The following ADAMTSL3 variants were observed in gnomAD, a reference collection of about 807,000 sequenced individuals.
ADAMTSL3 encodes the protein ADAMTS like 3, also known as ADAMTS-like protein 3.
In ADAMTSL3, 128 loss-of-function variants were observed where a neutral mutation model predicts 201.7. The observed-to-expected ratio is 0.63, with a 90% CI of 0.55 to 0.73. The LOEUF is 0.73. Among genes scored for constraint, ADAMTSL3 ranks in the 30% least tolerant of loss-of-function variants. The pLI, the probability that ADAMTSL3 is intolerant of heterozygous loss-of-function variation, is 0.00. For missense variants in ADAMTSL3, 1,990 were observed against 2,119.6 expected (o/e 0.94, Z 1.20); for synonymous variants, 738 against 748.4 (o/e 0.99, Z 0.23).
intron 17 of ADAMTSL3, 101 bp downstream of exon 17, chr15:83,924,134 G>A (rs1322673956): frequency 6.9e-7 from 1 of 1,446,952 alleles, no homozygotes; most frequent in African/African-American, 1.4e-5. Context: ...TTCACCCAAG[G>A]TAGATGTGCT....
intron 23 of ADAMTSL3, among the ~76,000 whole-genome samples, chr15:84,008,132 C>G (rs893357901): frequency 1.2e-4 from 19 of 152,178 alleles, no homozygotes; most frequent in Non-Finnish European, 2.8e-4. Context: ...TTTTTTGAGA[C>G]AGATTCTCAC....
intron 15 of ADAMTSL3, among the ~76,000 whole-genome samples, chr15:83,903,063 C>G (rs901839138): frequency 3.3e-5 from 5 of 151,966 alleles, no homozygotes; most frequent in African/African-American, 4.8e-5. Context: ...TTATGTATCT[C>G]AAAAAGAAGT....
intron 23 of ADAMTSL3, among the ~76,000 whole-genome samples, chr15:83,999,199 C>T (rs2067744067): frequency 6.6e-6 from 1 of 152,166 alleles, no homozygotes; most frequent in Non-Finnish European, 1.5e-5. Context: ...TCATAAATAT[C>T]ATTTAATAGC....
intron 21 of ADAMTSL3, among the ~76,000 whole-genome samples, chr15:83,986,940 AG>A (rs1327465274): frequency 6.6e-6 from 1 of 152,242 alleles, no homozygotes; most frequent in African/African-American, 2.4e-5. Flanking sequence ...GGACAGATCC[AG>A]GCTAGGTACC....
chr15:83,948,725 T>C (rs2066704144), intron 19 of ADAMTSL3, among the ~76,000 whole-genome samples: 1 of 152,222 alleles, frequency 6.6e-6, no homozygotes, highest in Admixed American at 6.5e-5. Flanking sequence ...TGTTCAGATA[T>C]TCTTTCTGTG....
chr15:83,898,690 A>G (rs1567222747), intron 14 of ADAMTSL3, among the ~76,000 whole-genome samples: 2 of 152,252 alleles, frequency 1.3e-5, no homozygotes, highest in East Asian at 1.9e-4. Context: ...AATTATTTCC[A>G]TGTTCTTTAA....
At chr15:83,758,250 C>T (rs546337060) in intron 3 of ADAMTSL3, among the ~76,000 whole-genome samples, 1 of 152,322 alleles carries the variant, frequency 6.6e-6, no homozygotes, top group East Asian at 1.9e-4. Flanking sequence ...ACTCACAGTT[C>T]TACATGGCTG....
chr15:83,990,130 C>G (rs1341372129), intron 22 of ADAMTSL3, among the ~76,000 whole-genome samples: 1 of 152,168 alleles, frequency 6.6e-6, no homozygotes, highest in Non-Finnish European at 1.5e-5. Flanking sequence ...TGGAAGAGAT[C>G]TTCTAACCCA....
chr15:83,911,498 T>G (rs2065933821), intron 15 of ADAMTSL3, among the ~76,000 whole-genome samples: 2 of 152,106 alleles, frequency 1.3e-5, no homozygotes, highest in Non-Finnish European at 2.9e-5. Flanking sequence ...AATTCTACCA[T>G]GAGAGTAGCA....
intron 19 of ADAMTSL3, among the ~76,000 whole-genome samples, chr15:83,960,415 G>A (rs942279732): frequency 6.6e-6 from 1 of 152,158 alleles, no homozygotes; most frequent in African/African-American, 2.4e-5. Context: ...GCCGAGCAGG[G>A]TATAGATTTC....
rs11373772 is a variant in ADAMTSL3 at position 83,837,802 on chromosome 15, G to GA, written c.601-275dup. Reference sequence around the variant, plus strand: ...GGGCAACAGAGTGAGATCTTGTCTTGAAAAAAAAAAAAGACAGAAATCTGA... The same window carrying GA: ...GGGCAACAGAGTGAGATCTTGTCTTGAAAAAAAAAAAAAGACAGAAATCTGA... On this transcript the variant is annotated intron_variant, in intron 6 of 29. Transcript: ENST00000286744. 0.15 allele frequency among the ~76,000 whole-genome samples: 20,133 copies of GA among 135,502 alleles called. 1,803 individuals are homozygous for GA. The highest frequency in any genetic ancestry group is 0.34 in the Middle Eastern group (89 of 262). The allele number at this position is 135,502 out of a possible 152,430, so 88.9% of individuals were successfully genotyped here.
At chr15:84,012,870 T>C (rs2068029215) in intron 23 of ADAMTSL3, among the ~76,000 whole-genome samples, 1 of 152,244 alleles carries the variant, frequency 6.6e-6, no homozygotes, top group Non-Finnish European at 1.5e-5. Flanking sequence ...ATGAAGTTCC[T>C]ACTCTTCTTT....
intron 3 of ADAMTSL3, among the ~76,000 whole-genome samples, chr15:83,714,842 C>CTTCTT (rs1238021195): frequency 1.4e-4 from 18 of 127,500 alleles, no homozygotes; most frequent in African/African-American, 2.0e-4. Flanking sequence ...CTCTTTCTTT[C>CTTCTT]TCTCTCTTTC....
At chr15:83,658,294 A>T (rs1017146943) in intron 2 of ADAMTSL3, among the ~76,000 whole-genome samples, 1 of 152,126 alleles carries the variant, frequency 6.6e-6, no homozygotes, top group Non-Finnish European at 1.5e-5. Context: ...TTATCGGTAG[A>T]GATGAGGTTT....
At chr15:83,696,893 A>G (rs2061694698) in intron 2 of ADAMTSL3, among the ~76,000 whole-genome samples, 1 of 152,174 alleles carries the variant, frequency 6.6e-6, no homozygotes, top group Non-Finnish European at 1.5e-5. Context: ...AGTGAATGGC[A>G]GGAAAGCGTG....
intron 6 of ADAMTSL3, among the ~76,000 whole-genome samples, chr15:83,823,974 TCC>T (rs1370989549): frequency 3.4e-5 from 3 of 88,024 alleles, no homozygotes; most frequent in East Asian, 2.8e-4. Flanking sequence ...CTTCTTCTTC[TCC>T]TCCTCCTCCT....
chr15:83,771,281 T>A (rs188117390), intron 3 of ADAMTSL3, among the ~76,000 whole-genome samples: 100 of 151,614 alleles, frequency 6.6e-4, no homozygotes, highest in African/African-American at 2.2e-3. Context: ...TTCTTTTAAT[T>A]GTGTTTAAAA....
intron 17 of ADAMTSL3, among the ~76,000 whole-genome samples, chr15:83,933,636 G>A (rs1352215687): frequency 6.6e-6 from 1 of 152,180 alleles, no homozygotes; most frequent in Non-Finnish European, 1.5e-5. Context: ...CCAAGACAAT[G>A]GGGGAAATGT....
In ADAMTSL3 at chr15:83,838,203, T is replaced by C; in HGVS notation, c.715T>C (p.Ser239Pro). Residue 239 changes from serine to proline, a missense_variant, in exon 7 of 30, where the codon TCT (serine) becomes CCT (proline). By Grantham distance (74) the Ser-to-Pro change is moderately conservative. Transcript: ENST00000286744. Reference protein sequence around the residue: ...LVRGQSKSHVSPEKREENVIA... With the variant: ...LVRGQSKSHVPPEKREENVIA... ...ACGGGGACAATCAAAGTCACACGTT[T>C]CTCCTGAAAAAAGTAGGTTTTAAAC... 6.2e-7 allele frequency: 1 copy of C among 1,612,616 alleles called. No homozygotes were observed. Among genetic ancestry groups the C allele is most frequent in the Non-Finnish European group, 8.5e-7 (1 of 1,179,378 alleles).
Sources: gnomAD v4.1 joint callset for allele counts (sites outside exome capture counted in the v4.1 genomes callset) on GRCh38, gnomAD v4.1.1 for gene constraint, MANE v1.5 for transcripts, NCBI Gene and HGNC (gene_info 2026-07-23, HGNC 2026-07-21) for gene names.